Variants in ARAP2 observed in about 807,000 individuals in gnomAD.
ARAP2 encodes arf-GAP with Rho-GAP domain, ANK repeat and PH domain-containing protein 2.
Under a neutral mutation model 194.5 loss-of-function variants are expected in ARAP2, and 148 were observed. The ratio of observed to expected loss-of-function variants is 0.76; its 90% CI spans 0.67 to 0.87. The LOEUF is 0.87. Among genes scored for constraint, ARAP2 ranks in the 40% least tolerant of loss-of-function variants. The pLI, the probability that ARAP2 is intolerant of heterozygous loss-of-function variation, is 0.00. For synonymous variants in ARAP2, 695 were observed against 683.5 expected (o/e 1.02, Z -0.26); for missense variants, 2,128 against 1,989.7 (o/e 1.07, Z -1.32).
At chr4:36,029,194 T>G (rs1323858282) in intron 5 of ARAP2, among the ~76,000 whole-genome samples, 5 of 152,044 alleles carry the variant, frequency 3.3e-5, no homozygotes, top group Non-Finnish European at 7.4e-5. Context: ...GGACTAAGCA[T>G]AGTGTGTCGA....
rs760185590 is a variant in ARAP2 at position 36,136,818 on chromosome 4, T to TGTGTGC, written c.3264-3430_3264-3429insGCACAC. Among the ~76,000 whole-genome samples, 238 of 141,074 alleles carry TGTGTGC rather than the reference T, an allele frequency of 1.7e-3. 1 individual carries two copies. Among genetic ancestry groups the TGTGTGC allele is most frequent in the Admixed American group, 4.3e-3 (61 of 14,260 alleles). 92.6% of individuals were successfully genotyped at this position (141,074 alleles called of 152,430 possible). On this transcript the variant is annotated intron_variant, in intron 19 of 32. Transcript: ENST00000303965. The stretch of plus-strand genomic sequence containing the variant: ...GTGTGTGTGTGTGTGTGTGTGTGTG[T>TGTGTGC]GCGTGTCTGTGTATCTCAGTCCTAT...
At chr4:36,036,377 T>C (rs1719923841) in intron 5 of ARAP2, among the ~76,000 whole-genome samples, 1 of 152,132 alleles carries the variant, frequency 6.6e-6, no homozygotes, top group Non-Finnish European at 1.5e-5. Context: ...CTTGCAATAT[T>C]TTCTATAGGT....
chr4:36,191,966 G>A (rs1012858862), intron 7 of ARAP2, among the ~76,000 whole-genome samples: 16 of 152,036 alleles, frequency 1.1e-4, no homozygotes, highest in Admixed American at 7.2e-4. Context: ...AACTGTGCAC[G>A]CTACCTCCCA....
rs202021549 is a variant in ARAP2, at chr4:36,033,495, T to A, written n.607+12484A>T. Among the ~76,000 whole-genome samples, 10 of 12,074 alleles carry A rather than the reference T, an allele frequency of 8.3e-4. No homozygotes were observed. In the East Asian group the frequency reaches 0.021, roughly 26 times the overall value. 7.9% of individuals were successfully genotyped at this position (12,074 alleles called of 152,430 possible). A position where few individuals can be genotyped will look rare whatever the true frequency, so the allele number is the denominator to read the frequency against. On this transcript the variant is annotated intron_variant and non_coding_transcript_variant, in intron 5 of 12. Coordinates refer to the ARAP2 transcript ENST00000503225. ...CTTTGCCAACTTTTCAATGGGGTCG[T>A]TTTTTTTTTTCTTGTAAATTGGATT...
At chr4:36,230,287 A>G (rs1428154670) in intron 1 of ARAP2, among the ~76,000 whole-genome samples, 1 of 152,238 alleles carries the variant, frequency 6.6e-6, no homozygotes, top group Non-Finnish European at 1.5e-5. Flanking sequence ...TTGACTTTCA[A>G]GTTTTATGCA....
At chr4:36,165,300 C>T (rs573049530) in intron 10 of ARAP2, among the ~76,000 whole-genome samples, 187 bp from the exon 11 acceptor site, 3 of 152,226 alleles carry the variant, frequency 2.0e-5, no homozygotes, top group African/African-American at 4.8e-5. Flanking sequence ...TTTAATTTTC[C>T]ACACTGTTTA....
At chr4:36,142,127 T>A (rs1728493177) in intron 19 of ARAP2, among the ~76,000 whole-genome samples, 1 of 151,682 alleles carries the variant, frequency 6.6e-6, no homozygotes, top group South Asian at 2.1e-4. Flanking sequence ...TCAGGGATCA[T>A]CACTCTTATC....
At chr4:36,128,390 A>C in intron 21 of ARAP2, 143 bp downstream of exon 21, 1 of 617,120 alleles carries the variant, frequency 1.6e-6, no homozygotes, top group Non-Finnish European at 2.8e-6. Context: ...CATTATGTAC[A>C]TTGTTTCTTT....
At chr4:36,084,264 A>C (rs191433798) in intron 28 of ARAP2, among the ~76,000 whole-genome samples, 114 of 152,256 alleles carry the variant, frequency 7.5e-4, no homozygotes, top group African/African-American at 2.6e-3. Context: ...GAGGACCCTG[A>C]CCAAATCACA....
intron 5 of ARAP2, among the ~76,000 whole-genome samples, chr4:36,022,175 G>C (rs1034964851): frequency 1.3e-5 from 2 of 152,188 alleles, no homozygotes; most frequent in Non-Finnish European, 2.9e-5. Flanking sequence ...TGTGATGCAT[G>C]ACTATAGTGG....
intron 8 of ARAP2, among the ~76,000 whole-genome samples, chr4:36,179,055 T>A (rs1578184426): frequency 6.6e-6 from 1 of 152,162 alleles, no homozygotes; most frequent in East Asian, 1.9e-4. Flanking sequence ...ACGAAAAAAA[T>A]GGGAAATATG....
chr4:36,053,315 T>A (rs1722998021), intron 2 of ARAP2, among the ~76,000 whole-genome samples: 1 of 151,304 alleles, frequency 6.6e-6, no homozygotes, highest in East Asian at 1.9e-4. Flanking sequence ...AGCATGCAGT[T>A]TTTTATAAAA....
At chr4:36,234,607 T>C in intron 1 of ARAP2, among the ~76,000 whole-genome samples, 1 of 152,234 alleles carries the variant, frequency 6.6e-6, no homozygotes, top group East Asian at 1.9e-4. Flanking sequence ...CTCCACTTAC[T>C]AGCTTTATTA....
intron 19 of ARAP2, among the ~76,000 whole-genome samples, chr4:36,144,131 T>C (rs1181512791): frequency 6.6e-6 from 1 of 151,914 alleles, no homozygotes; most frequent in Non-Finnish European, 1.5e-5. Context: ...AATTAAAACC[T>C]ATGTATCATT....
chr4:36,216,339 C>T (rs937047294), intron 2 of ARAP2, among the ~76,000 whole-genome samples: 2 of 152,154 alleles, frequency 1.3e-5, no homozygotes, highest in South Asian at 2.1e-4. Flanking sequence ...ACCACATACA[C>T]ATTAGAATAG....
chr4:36,026,802 T>A (rs1464419452), intron 5 of ARAP2, among the ~76,000 whole-genome samples: 1 of 152,246 alleles, frequency 6.6e-6, no homozygotes, highest in Non-Finnish European at 1.5e-5. Context: ...AGGCACTTTC[T>A]TGAGCTGAGA....
At chr4:36,036,969 C>A (rs1034790611) in intron 5 of ARAP2, among the ~76,000 whole-genome samples, 3 of 152,036 alleles carry the variant, frequency 2.0e-5, no homozygotes, top group Non-Finnish European at 4.4e-5. Context: ...CATGTGATAA[C>A]CCATTGGATT....
intron 27 of ARAP2, among the ~76,000 whole-genome samples, chr4:36,106,323 G>A (rs1446309467): frequency 6.6e-6 from 1 of 151,864 alleles, no homozygotes; most frequent in Non-Finnish European, 1.5e-5. Flanking sequence ...ATTTCAAACA[G>A]GATAAAGGTC....
Position 36,212,507 on chromosome 4 carries a change from A to G in ARAP2, c.1042-20T>C, listed in dbSNP as rs372588832. 72 of 1,564,936 alleles carry G rather than the reference A, an allele frequency of 4.6e-5. No homozygotes were observed. In the African/African-American group the frequency reaches 7.0e-4, roughly 15 times the overall value. The stretch of plus-strand genomic sequence containing the variant: ...TCGCTTCTATTAAAAAAGCAAACAA[A>G]CAAAAAACACATACTGTTTTGCTTT... On this transcript the variant is annotated intron_variant, in intron 4 of 32. Coordinates refer to ENST00000303965, the MANE Select transcript of ARAP2 (RefSeq NM_015230.4).
Sources: gnomAD v4.1 joint callset for allele counts (sites outside exome capture counted in the v4.1 genomes callset) on GRCh38, gnomAD v4.1.1 for gene constraint, MANE v1.5 for transcripts, NCBI Gene and HGNC (gene_info 2026-07-23, HGNC 2026-07-21) for gene names.